Variants in PPP6R3 observed in about 807,000 individuals in gnomAD.
PPP6R3 encodes protein phosphatase 6 regulatory subunit 3.
PPP6R3 carries 38 observed loss-of-function variants against 110.7 expected under a neutral mutation model. The observed-to-expected ratio is 0.34, with a 90% CI of 0.26 to 0.45. The LOEUF (loss-of-function observed/expected upper bound fraction) is 0.45. PPP6R3 is among the 20% of genes least tolerant of loss of function. The pLI is 1.00. For synonymous variants in PPP6R3, 369 were observed against 373.5 expected (o/e 0.99, Z 0.14); for missense variants, 870 against 1,062.4 (o/e 0.82, Z 2.52).
At chr11:68,604,514 A>G (rs2153953172) in intron 22 of PPP6R3, among the ~76,000 whole-genome samples, 1 of 152,374 alleles carries the variant, frequency 6.6e-6, no homozygotes, top group East Asian at 1.9e-4. Context: ...TGGGACCTAC[A>G]GTTGCTATTT....
chr11:68,573,114 T>TTATATATATATATATA (rs60848718), intron 12 of PPP6R3, among the ~76,000 whole-genome samples: 929 of 61,448 alleles, frequency 0.015, 17 homozygotes, highest in Admixed American at 0.018. Context: ...TTTACTTATT[T>TTATATATATATATATA]TATATATATA....
chr11:68,486,603 TAAAAAAAAAA>T (rs61408861), intron 1 of PPP6R3, among the ~76,000 whole-genome samples: 16 of 111,682 alleles, frequency 1.4e-4, no homozygotes, highest in East Asian at 2.5e-4. Context: ...GACTCTGTCT[TAAAAAAAAAA>T]AAAAAAAAAA....
chr11:68,487,419 A>ATT (rs2098954808), intron 1 of PPP6R3, among the ~76,000 whole-genome samples: 2 of 152,126 alleles, frequency 1.3e-5, no homozygotes, highest in African/African-American at 4.8e-5. Context: ...AAATACAAAA[A>ATT]TTAGCCGGGG....
chr11:68,476,770 C>T (rs1379986038), intron 1 of PPP6R3, among the ~76,000 whole-genome samples: 3 of 152,018 alleles, frequency 2.0e-5, no homozygotes, highest in Non-Finnish European at 4.4e-5. Flanking sequence ...CACCTGTATT[C>T]CCAGCACTTT....
At chr11:68,609,250 T>A (rs913843634) in intron 22 of PPP6R3, among the ~76,000 whole-genome samples, 1 of 152,156 alleles carries the variant, frequency 6.6e-6, no homozygotes, top group African/African-American at 2.4e-5. Flanking sequence ...TCTGTGTCCT[T>A]AGGATCAGCT....
intron 18 of PPP6R3, among the ~76,000 whole-genome samples, chr11:68,594,878 C>G (rs1271564610): frequency 6.6e-6 from 1 of 152,164 alleles, no homozygotes; most frequent in Non-Finnish European, 1.5e-5. Context: ...GGGCATAGAT[C>G]AGTGGAACAG....
chr11:68,591,919 T>C (rs1386880126), intron 18 of PPP6R3, among the ~76,000 whole-genome samples: 1 of 152,192 alleles, frequency 6.6e-6, no homozygotes, highest in Non-Finnish European at 1.5e-5. Flanking sequence ...TAGACACAGT[T>C]CGTGAGGTGT....
chr11:68,569,838 A>G lies in PPP6R3; in HGVS notation c.1219A>G (p.Thr407Ala). 6.2e-7 allele frequency: 1 copy of G among 1,612,654 alleles called. No individual in the cohort carries two copies. Among genetic ancestry groups the G allele is most frequent in the Non-Finnish European group, 8.5e-7 (1 of 1,178,970 alleles). Residue 407 changes from threonine (T) to alanine (A), a missense_variant, in exon 11 of 24, where the codon ACA (threonine) becomes GCA (alanine). Coordinates refer to ENST00000393800, the MANE Select transcript of PPP6R3 (RefSeq NM_001164161.2). ...GATTCTTGCAAGTCCTTTTGAAAACACAGAAAATGCCACAATTACCGATCA... is the reference window on the plus strand; with the variant it reads ...GATTCTTGCAAGTCCTTTTGAAAACGCAGAAAATGCCACAATTACCGATCA... ...ALILASPFEN[T>A]ENATITDQDS...
At chr11:68,590,814 A>G in intron 17 of PPP6R3, 100 bp downstream of exon 17, 2 of 1,325,636 alleles carry the variant, frequency 1.5e-6, no homozygotes, top group Non-Finnish European at 2.0e-6. Context: ...TGTGCTCTAG[A>G]GCCCTAATCC....
At chr11:68,610,303 G>A (rs1290110075) in intron 23 of PPP6R3, among the ~76,000 whole-genome samples, 2 of 152,110 alleles carry the variant, frequency 1.3e-5, no homozygotes, top group African/African-American at 4.8e-5. Flanking sequence ...GAACAGAGGG[G>A]TCTCCTCACC....
chr11:68,582,327 A>G (rs939171878), intron 14 of PPP6R3, among the ~76,000 whole-genome samples: 1 of 152,244 alleles, frequency 6.6e-6, no homozygotes, highest in Non-Finnish European at 1.5e-5. Flanking sequence ...TCTGATTTCT[A>G]ATTGTTAATG....
chr11:68,536,948 T>C (rs767242390), intron 2 of PPP6R3, among the ~76,000 whole-genome samples: 4 of 152,222 alleles, frequency 2.6e-5, no homozygotes, highest in Non-Finnish European at 5.9e-5. Flanking sequence ...TAGTGAACCC[T>C]CTGTTTTATA....
rs761332537 is a variant in PPP6R3 at position 68,603,431 on chromosome 11, G to A, written c.2389G>A (p.Gly797Ser). 42 of 1,614,026 alleles carry A rather than the reference G, an allele frequency of 2.6e-5. No homozygotes were observed. The Admixed American group carries it at 5.8e-4, about 22-fold the overall frequency. ...GGTAACTGAGACAGTGATGAATGGC[G>A]GCATGAAGGAAACGCTCAGCCTCAC... ...DKVTETVMNG[G>S]MKETLSLTVD... Residue 797 changes from glycine (G) to serine (S), a missense_variant, in exon 22 of 24, where the codon GGC becomes AGC. Physicochemically the swap from Gly to Ser is moderately conservative, Grantham distance 56. Transcript: ENST00000393800.
At position 68,610,145 on chromosome 11, in the gene PPP6R3, C is replaced by A. The variant is rs935668076; in HGVS notation, c.2570+122C>A. ...TGTGCTCAAGTCTTAGGCCGCTGAC[C>A]TGGCAGGACAGGGTTTTCTCAGTCC... On this transcript the variant is annotated intron_variant, in intron 23 of 23. Coordinates refer to ENST00000393800, the MANE Select transcript of PPP6R3 (RefSeq NM_001164161.2). 4 of 1,346,410 alleles carry A rather than the reference C, an allele frequency of 3.0e-6. No homozygotes were observed. The Admixed American group carries it at 7.8e-5, about 26-fold the overall frequency. The allele number at this position is 1,346,410 out of a possible 1,614,324, so 83.4% of individuals were successfully genotyped here.
chr11:68,549,880 A>G (rs927426743), intron 5 of PPP6R3, among the ~76,000 whole-genome samples: 2 of 152,186 alleles, frequency 1.3e-5, no homozygotes, highest in Non-Finnish European at 2.9e-5. Context: ...ACAGTCGGAG[A>G]TGACTACAGA....
At chr11:68,566,927 G>C (rs553634693) in intron 9 of PPP6R3, 87 bp from the exon 10 acceptor site, 2 of 1,165,612 alleles carry the variant, frequency 1.7e-6, no homozygotes, top group Non-Finnish European at 2.3e-6. Context: ...TTGTTTGCAG[G>C]GTTTAAACTA....
chr11:68,537,073 C>T (rs760365416), intron 2 of PPP6R3, among the ~76,000 whole-genome samples: 9 of 152,138 alleles, frequency 5.9e-5, no homozygotes, highest in Non-Finnish European at 1.0e-4. Context: ...ATGTATGTGG[C>T]GTAGTGATTA....
At chr11:68,488,370 C>A (rs565967896) in intron 1 of PPP6R3, among the ~76,000 whole-genome samples, 1 of 152,122 alleles carries the variant, frequency 6.6e-6, no homozygotes, top group Non-Finnish European at 1.5e-5. Flanking sequence ...GATGGTGTCT[C>A]GCTGTGTTTC....
intron 14 of PPP6R3, 98 bp from the exon 15 acceptor site, chr11:68,582,942 CGTT>C (rs1779660442): frequency 1.1e-6 from 1 of 913,708 alleles, no homozygotes; most frequent in South Asian, 1.6e-5. Flanking sequence ...TTCTGTTACA[CGTT>C]GAGAAAAAAA....
Sources: allele counts gnomAD v4.1 joint callset (sites outside exome capture counted in the v4.1 genomes callset), GRCh38; gene constraint gnomAD v4.1.1; transcripts MANE v1.5; gene names NCBI Gene and HGNC (gene_info 2026-07-23, HGNC 2026-07-21).